The following CLEC17A variants were observed in gnomAD, a reference collection of about 807,000 sequenced individuals.
CLEC17A encodes C-type lectin domain containing 17A, also known as C-type lectin domain family 17, member A.
CLEC17A carries 37 observed loss-of-function variants against 61.3 expected under a neutral mutation model. The ratio of observed to expected loss-of-function variants is 0.60; its 90% CI spans 0.46 to 0.79. The LOEUF (loss-of-function observed/expected upper bound fraction) is 0.79, where lower values mean the gene tolerates loss of function less well. Among genes scored for constraint, CLEC17A ranks in the 30% least tolerant of loss-of-function variants. The probability of loss-of-function intolerance (pLI) is 0.00; values close to 1 mark genes in which losing one functional copy is unlikely to be tolerated. For missense variants in CLEC17A, 418 were observed against 464.7 expected (o/e 0.90, Z 0.92); for synonymous variants, 168 against 164.9 (o/e 1.02, Z -0.14).
chr19:14,582,173 A>G (rs1167392475), upstream of CLEC17A, among the ~76,000 whole-genome samples: 8 of 151,780 alleles, frequency 5.3e-5, no homozygotes, highest in Admixed American at 3.9e-4. Context: ...TTTTGTGTCA[A>G]ATCTCCTTCT....
intron 2 of CLEC17A, 139 bp from the exon 3 acceptor site, chr19:14,587,475 A>T: frequency 7.5e-7 from 1 of 1,336,824 alleles, no homozygotes; most frequent in East Asian, 2.5e-5. Context: ...GGCCCTGGCC[A>T]GGCTGGGGCT....
chr19:14,592,395 C>T, intron 4 of CLEC17A, 37 bp downstream of exon 4: 2 of 1,610,868 alleles, frequency 1.2e-6, no homozygotes, highest in Middle Eastern at 1.7e-4. Flanking sequence ...TGGGGGAATA[C>T]AGGGAACAGG....
upstream of CLEC17A, among the ~76,000 whole-genome samples, chr19:14,582,167 G>A (rs1457494739): frequency 6.6e-6 from 1 of 151,186 alleles, no homozygotes; most frequent in African/African-American, 2.4e-5. Context: ...CCTTTTTTTT[G>A]TGTCAAATCT....
chr19:14,607,493 G>A lies in CLEC17A; in HGVS notation c.1004+391G>A, dbSNP rs145285017. Among the ~76,000 whole-genome samples the A allele has an allele frequency of 4.8e-3, 729 of 151,652 alleles. 7 individuals carry two copies. Among genetic ancestry groups the A allele is most frequent in the African/African-American group, 0.012 (490 of 41,436 alleles). ...GCTGGGATTACAGGCGTGAGCCACC[G>A]CGCCCGGCCAGGAGCTGGTTTTTAC... On this transcript the variant is annotated intron_variant, in intron 13 of 13. Coordinates refer to ENST00000417570, the MANE Select transcript of CLEC17A (RefSeq NM_001204118.2).
At chr19:14,609,566 G>A (rs1169043935) in intron 13 of CLEC17A, among the ~76,000 whole-genome samples, 4 of 152,252 alleles carry the variant, frequency 2.6e-5, no homozygotes, top group South Asian at 2.1e-4. Context: ...GGCCAGGCAC[G>A]GTGGCTCGTG....
intron 12 of CLEC17A, among the ~76,000 whole-genome samples, chr19:14,606,401 G>A (rs536085016): frequency 6.6e-6 from 1 of 150,818 alleles, no homozygotes; most frequent in African/African-American, 2.4e-5. Context: ...AAATTAGGCT[G>A]GATGTGGTAG....
chr19:14,604,428 G>A (rs979942199), intron 12 of CLEC17A, among the ~76,000 whole-genome samples: 2 of 151,658 alleles, frequency 1.3e-5, no homozygotes, highest in African/African-American at 2.4e-5. Flanking sequence ...ATGCTATAAC[G>A]ACAGAAATAT....
chr19:14,586,280 G>A (rs2074277024), intron 2 of CLEC17A, among the ~76,000 whole-genome samples: 1 of 151,998 alleles, frequency 6.6e-6, no homozygotes, highest in South Asian at 2.1e-4. Context: ...ATGTGCCACT[G>A]TGCCCGGCTA....
rs2075035265 is a variant in CLEC17A, at chr19:14,611,380, T to C, written c.*1184T>C. Among the ~76,000 whole-genome samples the C allele has an allele frequency of 6.8e-6, 1 of 147,274 alleles. No individual in the cohort carries two copies. The highest frequency in any genetic ancestry group is 2.0e-4 in the East Asian group (1 of 5,060). ...CCGTGGAACTTCTATCCTTTTTTTT[T>C]TTTTTTTTTTTTTTTGAGATAGGGT... On this transcript the variant is annotated 3_prime_UTR_variant, in exon 14 of 14. Coordinates refer to ENST00000417570, the MANE Select transcript of CLEC17A (RefSeq NM_001204118.2).
chr19:14,595,747 T>A (rs1176119442), intron 8 of CLEC17A, among the ~76,000 whole-genome samples: 1 of 152,074 alleles, frequency 6.6e-6, no homozygotes, highest in Non-Finnish European at 1.5e-5. Context: ...GAGATAGTGA[T>A]GGTGTTGTTG....
At chr19:14,606,949 G>A in intron 12 of CLEC17A, 44 bp from the exon 13 acceptor site, 1 of 1,065,588 alleles carries the variant, frequency 9.4e-7, no homozygotes, top group South Asian at 3.4e-5. Flanking sequence ...CACCCTGAGG[G>A]TCATGTAGAG....
At chr19:14,602,185 C>T (rs964843672) in intron 12 of CLEC17A, among the ~76,000 whole-genome samples, 13 of 151,854 alleles carry the variant, frequency 8.6e-5, no homozygotes, top group African/African-American at 3.1e-4. Context: ...TTATTTATGT[C>T]ATTATATTTA....
At chr19:14,604,441 T>G (rs1438534011) in intron 12 of CLEC17A, among the ~76,000 whole-genome samples, 1 of 152,268 alleles carries the variant, frequency 6.6e-6, no homozygotes, top group Middle Eastern at 3.4e-3. Flanking sequence ...AGAAATATTT[T>G]CTTTTACAAA....
rs376788618 is a variant in CLEC17A at position 14,598,173 on chromosome 19, A to G, written c.646+1012A>G. 1.0e-3 allele frequency among the ~76,000 whole-genome samples: 159 copies of G among 152,260 alleles called. 3 individuals are homozygous for G. The South Asian group carries it at 0.032, about 31-fold the overall frequency. ...CTTGGCATTCAAGGATCCACATATTAGGCTGGGCACAGTGGCTCATGTCTG... is the reference window on the plus strand; with the variant it reads ...CTTGGCATTCAAGGATCCACATATTGGGCTGGGCACAGTGGCTCATGTCTG... On this transcript the variant is annotated intron_variant, in intron 10 of 13. Coordinates refer to ENST00000417570, the MANE Select transcript of CLEC17A (RefSeq NM_001204118.2).
chr19:14,582,711 G>C (rs12984190), upstream of CLEC17A, among the ~76,000 whole-genome samples: 6,980 of 151,942 alleles, frequency 0.046, 224 homozygotes, highest in South Asian at 0.093. Flanking sequence ...AGGTTCAAGC[G>C]ATTCTCCTGC....
chr19:14,592,002 A>G (rs2146686657), intron 3 of CLEC17A, among the ~76,000 whole-genome samples: 1 of 152,086 alleles, frequency 6.6e-6, no homozygotes, highest in East Asian at 1.9e-4. Context: ...AAGGAAAGGG[A>G]AACAGACAGA....
intron 4 of CLEC17A, 126 bp downstream of exon 4, chr19:14,592,484 A>C: frequency 6.6e-7 from 1 of 1,520,566 alleles, no homozygotes; most frequent in African/African-American, 1.4e-5. Flanking sequence ...GGCACTGTGC[A>C]ACACACACCC....
At chr19:14,597,857 G>A (rs2074587229) in intron 10 of CLEC17A, among the ~76,000 whole-genome samples, 1 of 152,126 alleles carries the variant, frequency 6.6e-6, no homozygotes, top group Non-Finnish European at 1.5e-5. Context: ...TCCTGCCGCA[G>A]CCTCCTGAAG....
At chr19:14,590,406 G>C (rs764392939) in intron 3 of CLEC17A, among the ~76,000 whole-genome samples, 30 of 120,788 alleles carry the variant, frequency 2.5e-4, no homozygotes, top group Non-Finnish European at 4.6e-4. Context: ...TTTTTTTCTT[G>C]AGACGGAGTT....
Sources: gnomAD v4.1 joint callset for allele counts (sites outside exome capture counted in the v4.1 genomes callset) on GRCh38, gnomAD v4.1.1 for gene constraint, MANE v1.5 for transcripts, NCBI Gene and HGNC (gene_info 2026-07-23, HGNC 2026-07-21) for gene names.